The following PTPRT variants were observed in gnomAD, a reference collection of about 807,000 sequenced individuals.
PTPRT encodes the protein protein tyrosine phosphatase receptor type T.
PTPRT carries 56 observed loss-of-function variants against 176.8 expected under a neutral mutation model. The observed-to-expected ratio is 0.32, with a 90% CI of 0.26 to 0.40. The LOEUF (loss-of-function observed/expected upper bound fraction) is 0.40, where lower values mean the gene tolerates loss of function less well. PTPRT is among the 10% of genes least tolerant of loss of function. PTPRT has a pLI of 1.00. For synonymous variants in PTPRT, 783 were observed against 739.0 expected (o/e 1.06, Z -0.96); for missense variants, 1,540 against 1,908.2 (o/e 0.81, Z 3.60).
chr20:42,341,181 C>T (rs1177992988), intron 11 of PTPRT, among the ~76,000 whole-genome samples: 2 of 152,156 alleles, frequency 1.3e-5, no homozygotes, highest in Non-Finnish European at 2.9e-5. Flanking sequence ...ACTCTCCCTG[C>T]TTTGTACCCT....
At chr20:43,153,819 T>G (rs1251058574) in intron 1 of PTPRT, among the ~76,000 whole-genome samples, 1 of 152,140 alleles carries the variant, frequency 6.6e-6, no homozygotes, top group African/African-American at 2.4e-5. Context: ...GGCAACAAGC[T>G]CAGCACAGAG....
At chr20:42,447,225 A>G (rs1297387564) in intron 9 of PTPRT, among the ~76,000 whole-genome samples, 1 of 152,018 alleles carries the variant, frequency 6.6e-6, no homozygotes, top group Non-Finnish European at 1.5e-5. Flanking sequence ...CCTGTGGTAC[A>G]TGTTTCAGTC....
intron 2 of PTPRT, among the ~76,000 whole-genome samples, chr20:42,807,402 T>C (rs2077626712): frequency 6.6e-6 from 1 of 152,194 alleles, no homozygotes; most frequent in Admixed American, 6.5e-5. Flanking sequence ...TAAGGGAAAC[T>C]GCAAGAGGTT....
At chr20:43,034,156 A>G (rs1288029489) in intron 1 of PTPRT, among the ~76,000 whole-genome samples, 1 of 152,214 alleles carries the variant, frequency 6.6e-6, no homozygotes, top group Non-Finnish European at 1.5e-5. Context: ...ACCCACAGAA[A>G]GAACCATCCA....
intron 7 of PTPRT, among the ~76,000 whole-genome samples, chr20:42,521,972 A>G (rs898428799): frequency 1.3e-5 from 2 of 152,014 alleles, no homozygotes; most frequent in African/African-American, 4.8e-5. Flanking sequence ...GGTGTTCTCA[A>G]GTAGGTATGA....
downstream of PTPRT, among the ~76,000 whole-genome samples, chr20:42,071,770 C>T (rs150492401): frequency 1.4e-3 from 219 of 152,312 alleles, 1 homozygote; most frequent in Middle Eastern, 3.4e-3. Flanking sequence ...AATCCACTCA[C>T]CTCAGCCTCC....
Position 42,791,098 on chromosome 20 carries a change from A to C in PTPRT, c.486+97T>G, listed in dbSNP as rs1411890028. 2.1e-6 allele frequency: 3 copies of C among 1,431,142 alleles called. No individual in the cohort carries two copies. The African/African-American group carries it at 4.3e-5, about 20-fold the overall frequency. The allele number at this position is 1,431,142 out of a possible 1,614,324, so 88.7% of individuals were successfully genotyped here. On this transcript the variant is annotated intron_variant, in intron 3 of 30. Transcript: ENST00000373187. ...GAAGCACAGTAAACACGAGTGAATA[A>C]ATGAAGTCCTTTCTAGACCTAGCAC...
chr20:42,306,351 G>A (rs781121646), intron 12 of PTPRT, among the ~76,000 whole-genome samples: 1 of 152,220 alleles, frequency 6.6e-6, no homozygotes, highest in Non-Finnish European at 1.5e-5. Context: ...GGATGCCCAA[G>A]TGAGTGGGTA....
At chr20:42,361,830 G>T (rs2058436069) in intron 9 of PTPRT, among the ~76,000 whole-genome samples, 1 of 152,198 alleles carries the variant, frequency 6.6e-6, no homozygotes, top group Admixed American at 6.5e-5. Context: ...CACAGAATAT[G>T]TAAGCATAAT....
chr20:43,147,434 TCAA>T (rs959892838), intron 1 of PTPRT, among the ~76,000 whole-genome samples: 1 of 152,098 alleles, frequency 6.6e-6, no homozygotes, highest in Non-Finnish European at 1.5e-5. Context: ...CAGAAATCCC[TCAA>T]CAACTCATTC....
intron 2 of PTPRT, among the ~76,000 whole-genome samples, chr20:42,841,928 T>G (rs1204136811): frequency 6.6e-6 from 1 of 152,224 alleles, no homozygotes; most frequent in East Asian, 1.9e-4. Context: ...GCATTATAAG[T>G]GGTAAAATGT....
chr20:42,766,279 G>T (rs372336981), intron 5 of PTPRT, among the ~76,000 whole-genome samples: 1 of 152,162 alleles, frequency 6.6e-6, no homozygotes, highest in Non-Finnish European at 1.5e-5. Context: ...GAATAAGCAA[G>T]TTATGACTGA....
intron 6 of PTPRT, among the ~76,000 whole-genome samples, chr20:42,691,440 C>CA (rs2146120162): frequency 6.6e-6 from 1 of 152,232 alleles, no homozygotes; most frequent in African/African-American, 2.4e-5. Context: ...GGGGGAGATG[C>CA]ATAATTAGTC....
intron 12 of PTPRT, among the ~76,000 whole-genome samples, chr20:42,313,782 T>C (rs914637068): frequency 3.9e-5 from 6 of 152,284 alleles, no homozygotes; most frequent in African/African-American, 1.4e-4. Context: ...GAGTGCTTCA[T>C]GCAGCGGGAA....
At chr20:43,122,830 C>T (rs2013315604) in intron 1 of PTPRT, among the ~76,000 whole-genome samples, 1 of 152,002 alleles carries the variant, frequency 6.6e-6, no homozygotes, top group Non-Finnish European at 1.5e-5. Context: ...TTACACAGGC[C>T]CAGGTTTTGT....
chr20:43,141,621 C>T (rs528537863), intron 1 of PTPRT, among the ~76,000 whole-genome samples: 135 of 152,176 alleles, frequency 8.9e-4, no homozygotes, highest in Admixed American at 2.4e-3. Flanking sequence ...GACTCTACCT[C>T]TTCATGGGAA....
intron 8 of PTPRT, among the ~76,000 whole-genome samples, chr20:42,459,534 GGTA>G (rs2070982225): frequency 6.6e-6 from 1 of 152,184 alleles, no homozygotes; most frequent in Non-Finnish European, 1.5e-5. Context: ...GGACCTAAGG[GGTA>G]GTAGTAGAGG....
At chr20:42,140,032 A>G (rs577892765) in intron 18 of PTPRT, among the ~76,000 whole-genome samples, 13 of 152,374 alleles carry the variant, frequency 8.5e-5, no homozygotes, top group Non-Finnish European at 1.6e-4. Context: ...TAGTTCTACC[A>G]TTCATAGCCC....
chr20:42,122,002 T>C (rs1987616081), intron 19 of PTPRT, among the ~76,000 whole-genome samples: 2 of 152,006 alleles, frequency 1.3e-5, no homozygotes, highest in South Asian at 4.2e-4. Context: ...ATCGTAGACA[T>C]TGGTGACTCA....
Sources: allele counts gnomAD v4.1 joint callset (sites outside exome capture counted in the v4.1 genomes callset), GRCh38; gene constraint gnomAD v4.1.1; transcripts MANE v1.5; gene names NCBI Gene and HGNC (gene_info 2026-07-23, HGNC 2026-07-21).